The following SCN3A variants were observed in gnomAD, a reference collection of about 807,000 sequenced individuals.
The protein encoded by SCN3A is sodium channel protein type 3 subunit alpha.
A neutral mutation model predicts 187.6 loss-of-function variants in SCN3A; 60 were observed. The observed-to-expected ratio is 0.32, with a 90% CI of 0.26 to 0.40. The LOEUF (loss-of-function observed/expected upper bound fraction) is 0.40. Among genes scored for constraint, SCN3A ranks in the 10% least tolerant of loss-of-function variants. The pLI is 1.00. For missense variants in SCN3A, 1,601 were observed against 2,428.2 expected, an observed-to-expected ratio of 0.66 and a Z score of 7.16; for synonymous variants, 788 against 829.2, an observed-to-expected ratio of 0.95 and a Z score of 0.85.
chr2:165,153,311 C>T (rs1574237973), intron 11 of SCN3A, among the ~76,000 whole-genome samples: 1 of 151,840 alleles, frequency 6.6e-6, no homozygotes, highest in Non-Finnish European at 1.5e-5. Flanking sequence ...GGTTATTTAC[C>T]TAAATATAAA....
intron 1 of SCN3A, among the ~76,000 whole-genome samples, chr2:165,199,940 C>T (rs993856908): frequency 2.0e-5 from 3 of 152,122 alleles, no homozygotes; most frequent in African/African-American, 4.8e-5. Flanking sequence ...AAAACAGTAG[C>T]TTCTCAATCA....
intron 15 of SCN3A, among the ~76,000 whole-genome samples, chr2:165,136,584 G>C (rs1408977608): frequency 6.6e-6 from 1 of 152,138 alleles, no homozygotes; most frequent in Non-Finnish European, 1.5e-5. Flanking sequence ...TAAGCACTAG[G>C]CAACTAAGGT....
chr2:165,200,621 T>C (rs1047778278), intron 1 of SCN3A, among the ~76,000 whole-genome samples: 4 of 152,052 alleles, frequency 2.6e-5, no homozygotes, highest in Non-Finnish European at 5.9e-5. Flanking sequence ...TCCCAAGCTC[T>C]TAGCCCTCTC....
At position 165,164,217 on chromosome 2, in the gene SCN3A, A is replaced by G. The variant is rs118005721; in HGVS notation, c.602+175T>C. On this transcript the variant is annotated intron_variant, in intron 6 of 27. Transcript: ENST00000283254. The stretch of plus-strand genomic sequence containing the variant: ...AGATAACCCCATTTATTGATCATTT[A>G]CTGGATATATTTACATTGCAATATG... 3.3e-5 allele frequency among the ~76,000 whole-genome samples: 5 copies of G among 152,344 alleles called. No individual in the cohort carries two copies. In the East Asian group the frequency reaches 9.6e-4, roughly 29 times the overall value.
At position 165,130,084 on chromosome 2, in the gene SCN3A, C is replaced by G; in HGVS notation, c.2778G>C (p.Met926Ile). The change falls in exon 17 of 28, where the codon ATG (methionine) becomes ATC (isoleucine). Residue 926 changes from methionine to isoleucine, a missense_variant. Coordinates refer to ENST00000283254, the MANE Select transcript of SCN3A (RefSeq NM_006922.4). ...NDDCTLPRWH[M>I]NDFFHSFLIV... ...TCAGGAAGGAGTGGAAGAAGTCGTTCATGTGCCACCGTGGGAGCGTACAGT... is the reference window on the plus strand; with the variant it reads ...TCAGGAAGGAGTGGAAGAAGTCGTTGATGTGCCACCGTGGGAGCGTACAGT... 1 of 1,614,124 alleles carries G rather than the reference C, an allele frequency of 6.2e-7. No homozygotes were observed. Among genetic ancestry groups the G allele is most frequent in the Non-Finnish European group, 8.5e-7 (1 of 1,180,016 alleles).
At chr2:165,185,308 T>C (rs115494211) in intron 2 of SCN3A, among the ~76,000 whole-genome samples, 2,232 of 152,310 alleles carry the variant, frequency 0.015, 61 homozygotes, top group African/African-American at 0.05. Context: ...AAGTAAACTG[T>C]GTGTTTGACC....
At chr2:165,162,894 C>G in intron 7 of SCN3A, 66 bp from the exon 8 acceptor site, 1 of 1,560,836 alleles carries the variant, frequency 6.4e-7, no homozygotes, top group Non-Finnish European at 8.8e-7. Context: ...TTAATAGTCA[C>G]ACACATTCTC....
chr2:165,128,566 A>G (rs977375407), intron 17 of SCN3A, among the ~76,000 whole-genome samples: 1 of 152,232 alleles, frequency 6.6e-6, no homozygotes, highest in African/African-American at 2.4e-5. Context: ...GCCTGATGAT[A>G]TGTTCCAAAT....
chr2:165,125,765 C>T (rs1318448849), intron 18 of SCN3A, among the ~76,000 whole-genome samples: 1 of 152,144 alleles, frequency 6.6e-6, no homozygotes, highest in African/African-American at 2.4e-5. Context: ...ACAAAAAGTG[C>T]TCAGTAAGTT....
chr2:165,162,488 G>C, intron 8 of SCN3A, 68 bp downstream of exon 8: 1 of 1,596,386 alleles, frequency 6.3e-7, no homozygotes, highest in Non-Finnish European at 8.6e-7. Context: ...TACACCCACA[G>C]TCTCAACTAT....
At chr2:165,141,712 A>G (rs1051938082) in intron 12 of SCN3A, among the ~76,000 whole-genome samples, 9 of 152,326 alleles carry the variant, frequency 5.9e-5, no homozygotes, top group African/African-American at 2.2e-4. Flanking sequence ...CATAGCAAAC[A>G]CAACACAGAG....
At chr2:165,200,345 T>C (rs1034530019) in intron 1 of SCN3A, among the ~76,000 whole-genome samples, 6 of 152,088 alleles carry the variant, frequency 3.9e-5, no homozygotes, top group African/African-American at 9.7e-5. Context: ...AGTGAGTTCA[T>C]GTTTCTATAC....
At chr2:165,139,797 C>A (rs1687892784) in intron 13 of SCN3A, 189 bp from the exon 14 acceptor site, 2 of 622,562 alleles carry the variant, frequency 3.2e-6, no homozygotes, top group African/African-American at 1.8e-5. Context: ...AGGTAGTACT[C>A]TTTAAGAGGA....
chr2:165,115,505 G>T lies in SCN3A; in HGVS notation c.3464C>A (p.Ala1155Asp). 6.2e-7 allele frequency: 1 copy of T among 1,613,614 alleles called. No individual in the cohort carries two copies. The change falls in exon 19 of 28, where the codon GCT becomes GAT. Residue 1155 changes from alanine (A) to aspartate (D), a missense_variant. Ala to Asp is a moderately radical substitution (Grantham distance 126, BLOSUM62 -2). Coordinates refer to ENST00000283254, the MANE Select transcript of SCN3A (RefSeq NM_006922.4). ...DVVLPREGEQ[A>D]ETEPEEDLKP... Reference sequence around the variant, plus strand: ...AAGGTCTTCTTCGGGTTCAGTTTCAGCTTGTTCACCTTCTCGGGGTAGAAC... The same window carrying T: ...AAGGTCTTCTTCGGGTTCAGTTTCATCTTGTTCACCTTCTCGGGGTAGAAC...
Position 165,092,068 on chromosome 2 carries a change from G to T in SCN3A, c.4807+186C>A, listed in dbSNP as rs1685131982. On this transcript the variant is annotated intron_variant, in intron 27 of 27. Coordinates refer to ENST00000283254, the MANE Select transcript of SCN3A (RefSeq NM_006922.4). The surrounding 1 kb of genome is among the most constrained non-coding windows in gnomAD (Gnocchi z 4.2). ...TCCCAAATCTGGTATTCCTAACATG[G>T]TTTCTAACTAGTTAGCTTTGTGAAT... The T allele has an allele frequency of 3.1e-6, 2 of 638,630 alleles. No individual in the cohort carries two copies. Among genetic ancestry groups the T allele is most frequent in the South Asian group, 3.8e-5 (2 of 52,340 alleles). The allele number at this position is 638,630 out of a possible 1,614,324, so 39.6% of individuals were successfully genotyped here. A position where few individuals can be genotyped will look rare whatever the true frequency, so the allele number is the denominator to read the frequency against.
At chr2:165,118,079 TTTG>T (rs1686460627) in intron 18 of SCN3A, among the ~76,000 whole-genome samples, 1 of 152,194 alleles carries the variant, frequency 6.6e-6, no homozygotes, top group African/African-American at 2.4e-5. Flanking sequence ...GTTGTATTTT[TTTG>T]TTATTGGGAA....
intron 18 of SCN3A, among the ~76,000 whole-genome samples, chr2:165,116,543 A>T (rs961744212): frequency 2.6e-5 from 4 of 152,152 alleles, no homozygotes; most frequent in Non-Finnish European, 5.9e-5. Flanking sequence ...CATGTTAATG[A>T]TTTCAAAGCC....
At chr2:165,154,794 GTAT>G in intron 10 of SCN3A, 136 bp from the exon 11 acceptor site, 2 of 806,758 alleles carry the variant, frequency 2.5e-6, no homozygotes, top group Non-Finnish European at 4.1e-6. Context: ...GAATTTTTTG[GTAT>G]TGATATGCTC....
Position 165,162,844 on chromosome 2 carries a change from T to C in SCN3A, c.695-16A>G, listed in dbSNP as rs1273964364. The C allele has an allele frequency of 6.2e-7, 1 of 1,607,170 alleles. No individual in the cohort carries two copies. The highest frequency in any genetic ancestry group is 8.5e-7 in the Non-Finnish European group (1 of 1,173,670). On this transcript the variant is annotated splice_polypyrimidine_tract_variant and intron_variant, in intron 7 of 27. Coordinates refer to ENST00000283254, the MANE Select transcript of SCN3A (RefSeq NM_006922.4). The stretch of plus-strand genomic sequence containing the variant: ...GTCTTTAAACCTGCAGAGAGAGAAC[T>C]ATAGGTTACCTGAGGAAGAGTGCCA...
Sources: gnomAD v4.1 joint callset for allele counts (sites outside exome capture counted in the v4.1 genomes callset) on GRCh38, gnomAD v4.1.1 for gene constraint, Gnocchi (gnomAD v3.1) non-coding constraint, MANE v1.5 for transcripts, NCBI Gene and HGNC (gene_info 2026-07-23, HGNC 2026-07-21) for gene names.